Variants in BCAT1 observed in about 807,000 individuals in gnomAD.
BCAT1 encodes branched-chain-amino-acid aminotransferase, cytosolic.
A neutral mutation model predicts 52.4 loss-of-function variants in BCAT1; 48 were observed. That is an observed-to-expected ratio of 0.92 (90% confidence interval 0.73 to 1.16). The LOEUF is 1.16. Among genes scored for constraint, BCAT1 ranks in the 50% most tolerant of loss-of-function variants. BCAT1 has a pLI of 0.00. For synonymous variants in BCAT1, 167 were observed against 161.3 expected (o/e 1.04, Z -0.27); for missense variants, 451 against 457.1 (o/e 0.99, Z 0.12).
At chr12:24,865,685 T>C (rs756903609) in intron 5 of BCAT1, among the ~76,000 whole-genome samples, 1 of 152,178 alleles carries the variant, frequency 6.6e-6, no homozygotes, top group African/African-American at 2.4e-5. Flanking sequence ...ATATAAAATC[T>C]GGTTAAATAC....
At chr12:24,869,669 A>C (rs532586337) in intron 5 of BCAT1, among the ~76,000 whole-genome samples, 1 of 152,312 alleles carries the variant, frequency 6.6e-6, no homozygotes, top group Admixed American at 6.5e-5. Context: ...ATCTGCAGTA[A>C]AAGAGAATAC....
At position 24,894,476 on chromosome 12, in the gene BCAT1, C is replaced by T; in HGVS notation, c.79-1G>A. On this transcript the variant is annotated splice_acceptor_variant, in intron 2 of 10. Coordinates refer to ENST00000261192, the MANE Select transcript of BCAT1 (RefSeq NM_005504.7). LOFTEE classifies it high-confidence loss of function. The stretch of plus-strand genomic sequence containing the variant: ...CTGGTGTGACTATTAGGTCTTTAGC[C>T]TGGGGAAGAAAAATCATCACTATTT... 1 of 1,581,946 alleles carries T rather than the reference C, an allele frequency of 6.3e-7. No homozygotes were observed. Among genetic ancestry groups the T allele is most frequent in the Non-Finnish European group, 8.6e-7 (1 of 1,162,776 alleles).
At chr12:24,943,755 C>G (rs529950393) in intron 1 of BCAT1, among the ~76,000 whole-genome samples, 1 of 152,026 alleles carries the variant, frequency 6.6e-6, no homozygotes, top group Admixed American at 6.6e-5. Context: ...GTGGCCGAGG[C>G]GGGCAGATCA....
intron 7 of BCAT1, among the ~76,000 whole-genome samples, chr12:24,836,898 A>AAAGAGAAAG (rs1555102837): frequency 6.3e-5 from 3 of 47,300 alleles, no homozygotes; most frequent in African/African-American, 1.6e-4. Context: ...AGAAAGAAAG[A>AAAGAGAAAG]AAAGAAAGAG....
intron 6 of BCAT1, among the ~76,000 whole-genome samples, chr12:24,849,215 A>T (rs1027590710): frequency 1.3e-5 from 2 of 152,244 alleles, no homozygotes; most frequent in African/African-American, 4.8e-5. Flanking sequence ...ATGCTCTTTT[A>T]TTTCCTGCCA....
At chr12:24,897,517 A>C (rs1269965190) in intron 2 of BCAT1, among the ~76,000 whole-genome samples, 1 of 152,102 alleles carries the variant, frequency 6.6e-6, no homozygotes, top group Non-Finnish European at 1.5e-5. Flanking sequence ...TAACTTTCTG[A>C]TTTGTACCTA....
At position 24,943,314 on chromosome 12, in the gene BCAT1, G is replaced by A. The variant is rs1943875291; in HGVS notation, c.6+5613C>T. Among the ~76,000 whole-genome samples the A allele has an allele frequency of 3.3e-5, 5 of 151,822 alleles. 1 individual carries two copies. In the South Asian group the frequency reaches 1.0e-3, roughly 32 times the overall value. On this transcript the variant is annotated intron_variant, in intron 1 of 10. Transcript: ENST00000261192. Reference sequence around the variant, plus strand: ...TCAAGACCAGCCAGTGCAACATGGAGAAACCCCATCTCTACAAAAAATACA... The same window carrying A: ...TCAAGACCAGCCAGTGCAACATGGAAAAACCCCATCTCTACAAAAAATACA...
At chr12:24,888,783 G>A (rs1942755218) in intron 3 of BCAT1, among the ~76,000 whole-genome samples, 1 of 152,198 alleles carries the variant, frequency 6.6e-6, no homozygotes, top group Admixed American at 6.5e-5. Context: ...AGAGTCCTCA[G>A]TAAGGTTTTT....
At chr12:24,936,113 C>T (rs1943749597) in intron 1 of BCAT1, among the ~76,000 whole-genome samples, 1 of 152,246 alleles carries the variant, frequency 6.6e-6, no homozygotes, top group South Asian at 2.1e-4. Context: ...ATTCAAAAGC[C>T]ACTTCCACAT....
At chr12:24,907,449 A>C (rs991606283) in intron 1 of BCAT1, among the ~76,000 whole-genome samples, 1 of 152,220 alleles carries the variant, frequency 6.6e-6, no homozygotes, top group Non-Finnish European at 1.5e-5. Flanking sequence ...ACCTGCACGT[A>C]TACATCCAGA....
chr12:24,942,002 T>C (rs1943855800), intron 1 of BCAT1, among the ~76,000 whole-genome samples: 1 of 152,124 alleles, frequency 6.6e-6, no homozygotes, highest in African/African-American at 2.4e-5. Context: ...TTTTAAACGG[T>C]CTCATGCACT....
chr12:24,918,368 A>G (rs1943450823), intron 1 of BCAT1, among the ~76,000 whole-genome samples: 1 of 152,184 alleles, frequency 6.6e-6, no homozygotes, highest in African/African-American at 2.4e-5. Flanking sequence ...AGAGGACCCA[A>G]CAACCACACT....
chr12:24,837,682 C>T (rs772996682), intron 7 of BCAT1, among the ~76,000 whole-genome samples: 5 of 152,070 alleles, frequency 3.3e-5, no homozygotes, highest in Non-Finnish European at 5.9e-5. Flanking sequence ...CCACTTCGGC[C>T]TCCCAAAGTG....
intron 10 of BCAT1, among the ~76,000 whole-genome samples, chr12:24,820,319 G>A (rs1940062020): frequency 6.6e-6 from 1 of 152,172 alleles, no homozygotes; most frequent in Non-Finnish European, 1.5e-5. Flanking sequence ...ATAATGTCTA[G>A]AAGTAGGCAT....
At chr12:24,891,929 T>C (rs1411217939) in intron 3 of BCAT1, among the ~76,000 whole-genome samples, 3 of 151,054 alleles carry the variant, frequency 2.0e-5, no homozygotes, top group Non-Finnish European at 2.9e-5. Context: ...TTTTTTTTTT[T>C]TCTATTTTTA....
chr12:24,829,108 G>A (rs911039399), intron 10 of BCAT1, among the ~76,000 whole-genome samples: 4 of 151,932 alleles, frequency 2.6e-5, no homozygotes, highest in Non-Finnish European at 4.4e-5. Flanking sequence ...AAATGGCAGG[G>A]CACAGTGGTT....
intron 6 of BCAT1, among the ~76,000 whole-genome samples, chr12:24,843,347 TA>T (rs11310819): frequency 0.44 from 66,308 of 151,992 alleles, 14,792 homozygotes; most frequent in East Asian, 0.64. Context: ...CTTATGTCTG[TA>T]ATCCTAGCAC....
rs140455850 is a variant in BCAT1 at position 24,893,587 on chromosome 12, T to C, written c.279+688A>G. 6.7e-4 allele frequency among the ~76,000 whole-genome samples: 102 copies of C among 152,338 alleles called. 1 individual carries two copies. In the East Asian group the frequency reaches 0.018, roughly 27 times the overall value. ...GTAAACAAAAGTTGTTATTTTATCA[T>C]TAATCTATTAATATTTTACTATTAC... On this transcript the variant is annotated intron_variant, in intron 3 of 10. Transcript: ENST00000261192.
At chr12:24,925,939 A>G (rs559389948) in intron 1 of BCAT1, among the ~76,000 whole-genome samples, 3 of 152,138 alleles carry the variant, frequency 2.0e-5, no homozygotes, top group African/African-American at 4.8e-5. Flanking sequence ...TCGGCTCGCT[A>G]CAACCTCCAC....
Sources: gnomAD v4.1 joint callset for allele counts (sites outside exome capture counted in the v4.1 genomes callset) on GRCh38, gnomAD v4.1.1 for gene constraint, MANE v1.5 for transcripts, NCBI Gene and HGNC (gene_info 2026-07-23, HGNC 2026-07-21) for gene names.